The following PRC1 variants were observed in gnomAD, a reference collection of about 807,000 sequenced individuals.
The protein encoded by PRC1 is anaphase spindle elongation 1 homolog.
PRC1 carries 54 observed loss-of-function variants against 91.2 expected under a neutral mutation model. The ratio of observed to expected loss-of-function variants is 0.59; its 90% CI spans 0.48 to 0.74. PRC1 has a LOEUF of 0.74. PRC1 is among the 30% of genes least tolerant of loss of function. The pLI is 0.00. For synonymous variants in PRC1, 275 were observed against 263.6 expected, an observed-to-expected ratio of 1.04 and a Z score of -0.42; for missense variants, 727 against 746.2, an observed-to-expected ratio of 0.97 and a Z score of 0.30.
At position 90,974,412 on chromosome 15, in the gene PRC1, ACAAGCCCCGGTCCCCG is replaced by A; in HGVS notation, c.1350+157_1351-167del. Among the ~76,000 whole-genome samples the A allele has an allele frequency of 6.6e-6, 1 of 151,632 alleles. No homozygotes were observed. The highest frequency in any genetic ancestry group is 1.5e-5 in the Non-Finnish European group (1 of 67,898). On this transcript the variant is annotated intron_variant, in intron 10 of 14. Transcript: ENST00000394249. The surrounding 1 kb of genome is among the most constrained non-coding windows in gnomAD (Gnocchi z 4.6). ...GCCCCGGTCCCCGGCTCCCCGTTCC[ACAAGCCCCGGTCCCCG>A]GCTCCCCGTTCCACAAGCCCCGGTC...
intron 1 of PRC1, among the ~76,000 whole-genome samples, chr15:90,993,300 C>T (rs544078060): frequency 2.7e-4 from 40 of 150,502 alleles, no homozygotes; most frequent in African/African-American, 9.8e-4. Context: ...CCTCTGCCTC[C>T]TAGGCTGAAG....
intron 7 of PRC1, among the ~76,000 whole-genome samples, chr15:90,979,745 G>C (rs2039032274): frequency 6.6e-6 from 1 of 152,106 alleles, no homozygotes; most frequent in Non-Finnish European, 1.5e-5. Flanking sequence ...CGTAGGCTCT[G>C]GCATTTACCA....
At chr15:90,980,510 C>CA in intron 6 of PRC1, 121 bp from the exon 7 acceptor site, 56 of 757,976 alleles carry the variant, frequency 7.4e-5, no homozygotes, top group Non-Finnish European at 1.1e-4. Flanking sequence ...TATAAATCAA[C>CA]ACTTTTTTTT....
chr15:90,974,442 C>G lies in PRC1; in HGVS notation c.1350+143G>C. 7.6e-7 allele frequency: 1 copy of G among 1,315,754 alleles called. No homozygotes were observed. The highest frequency in any genetic ancestry group is 1.0e-6 in the Non-Finnish European group (1 of 959,508). 81.5% of individuals were successfully genotyped at this position (1,315,754 alleles called of 1,614,324 possible). A position where few individuals can be genotyped will look rare whatever the true frequency, so the allele number is the denominator to read the frequency against. On this transcript the variant is annotated intron_variant, in intron 10 of 14. Coordinates refer to ENST00000394249, the MANE Select transcript of PRC1 (RefSeq NM_003981.4). This position sits in a 1 kb window ranked among gnomAD's most constrained non-coding sequence, Gnocchi z 4.6. Reference sequence around the variant, plus strand: ...CCCCGGTCCCCGGCTCCCCGTTCCACAAGCCCCGGTCCCCGGCTTCCCGTT... The same window carrying G: ...CCCCGGTCCCCGGCTCCCCGTTCCAGAAGCCCCGGTCCCCGGCTTCCCGTT...
In PRC1 at chr15:90,974,028, A is replaced by G; in HGVS notation, c.1461+108T>C. 1 of 862,072 alleles carries G rather than the reference A, an allele frequency of 1.2e-6. No individual in the cohort carries two copies. The highest frequency in any genetic ancestry group is 1.7e-5 in the African/African-American group (1 of 59,450). The allele number at this position is 862,072 out of a possible 1,614,324, so 53.4% of individuals were successfully genotyped here. On this transcript the variant is annotated intron_variant, in intron 11 of 14. Coordinates refer to ENST00000394249, the MANE Select transcript of PRC1 (RefSeq NM_003981.4). This position sits in a 1 kb window ranked among gnomAD's most constrained non-coding sequence, Gnocchi z 4.6. ...TTTTCTCTGTCTCTTGTCCCACCTG[A>G]TGAGAAATACCCACAGGTGTGGAGG... is the stretch of plus-strand genomic sequence containing the variant.
rs949276210 is a variant in PRC1 at position 90,987,770 on chromosome 15, T to C, written c.12-2945A>G. 33 of 152,292 alleles carry C rather than the reference T, an allele frequency of 2.2e-4. 1 individual carries two copies. Among genetic ancestry groups the C allele is most frequent in the African/African-American group, 7.0e-4 (29 of 41,558 alleles). 9.4% of individuals were successfully genotyped at this position (152,292 alleles called of 1,614,324 possible). The stretch of plus-strand genomic sequence containing the variant: ...TGTGCCATCCACACCCAACTGCAAC[T>C]AGAGACTTTCATTAGCCCCTTTCTG... On this transcript the variant is annotated intron_variant, in intron 1 of 14. Transcript: ENST00000394249.
At chr15:90,972,226 C>A (rs1293265975) in intron 11 of PRC1, among the ~76,000 whole-genome samples, 59 of 122,582 alleles carry the variant, frequency 4.8e-4, no homozygotes, top group East Asian at 1.3e-3. Context: ...AAAAAAAAAA[C>A]CCCAAAATTA....
chr15:90,986,221 A>G (rs2039564120), intron 1 of PRC1, among the ~76,000 whole-genome samples: 1 of 152,250 alleles, frequency 6.6e-6, no homozygotes, highest in Non-Finnish European at 1.5e-5. Flanking sequence ...CCAAAGACAT[A>G]TATGAGAATG....
At chr15:90,978,394 G>T (rs949170063) in intron 8 of PRC1, among the ~76,000 whole-genome samples, 1 of 151,174 alleles carries the variant, frequency 6.6e-6, no homozygotes, top group African/African-American at 2.5e-5. Context: ...AGAGAGCCGG[G>T]AAGAGCTCTT....
chr15:90,980,511 A>G, intron 6 of PRC1, 122 bp from the exon 7 acceptor site: 2 of 811,436 alleles, frequency 2.5e-6, no homozygotes, highest in Non-Finnish European at 1.7e-6. Context: ...ATAAATCAAC[A>G]CTTTTTTTTT....
At chr15:90,994,302 T>A in intron 1 of PRC1, 105 bp downstream of exon 1, 3 of 1,556,076 alleles carry the variant, frequency 1.9e-6, no homozygotes, top group Non-Finnish European at 2.6e-6. Flanking sequence ...GCCGTGACGA[T>A]CTAGGCCCGG....
intron 3 of PRC1, among the ~76,000 whole-genome samples, chr15:90,982,287 G>T (rs2039259288): frequency 6.6e-6 from 1 of 152,118 alleles, no homozygotes; most frequent in East Asian, 1.9e-4. Context: ...TCATATTGTT[G>T]TGCAATCATA....
At chr15:90,969,242 A>G (rs1221917674) in intron 13 of PRC1, 122 bp from the exon 14 acceptor site, 1 of 1,251,076 alleles carries the variant, frequency 8.0e-7, no homozygotes, top group Non-Finnish European at 1.1e-6. Flanking sequence ...ATCCAGGTTA[A>G]ATGTCTAGTT....
At chr15:90,976,079 TTTTG>T (rs1347741722) in intron 9 of PRC1, among the ~76,000 whole-genome samples, 6 of 151,956 alleles carry the variant, frequency 3.9e-5, no homozygotes, top group Non-Finnish European at 8.8e-5. Flanking sequence ...GTCCGTAGTG[TTTTG>T]TTTTTTTGTT....
chr15:90,981,734 T>C lies in PRC1; in HGVS notation c.501+14A>G, dbSNP rs759777083. 1.6e-5 allele frequency: 25 copies of C among 1,609,000 alleles called. No homozygotes were observed. Among genetic ancestry groups the C allele is most frequent in the Admixed American group, 3.4e-5 (2 of 59,628 alleles). On this transcript the variant is annotated intron_variant, in intron 4 of 14. Transcript: ENST00000394249. ...CAAAGTGACTTTTAGGAAGAACAAA[T>C]GTAGGCAGTGTACCTTTGTTTCCCT...
intron 14 of PRC1, chr15:90,968,741 G>A: frequency 8.7e-7 from 1 of 1,150,122 alleles, no homozygotes; most frequent in Non-Finnish European, 1.1e-6. Context: ...ACACAGCTGG[G>A]GCTCCCTTCC....
chr15:90,970,644 G>T, intron 11 of PRC1, 130 bp from the exon 12 acceptor site: 1 of 659,566 alleles, frequency 1.5e-6, no homozygotes. Context: ...ATGGTGAAGG[G>T]CCTGCTGTGT....
At chr15:90,968,124 T>C (rs2037695443) in intron 14 of PRC1, 2 of 985,316 alleles carry the variant, frequency 2.0e-6, no homozygotes, top group Non-Finnish European at 1.2e-6. Flanking sequence ...CAGACGAACC[T>C]ACCTAGGACT....
At chr15:90,968,945 C>A in intron 14 of PRC1, 134 bp downstream of exon 14, 1 of 1,499,456 alleles carries the variant, frequency 6.7e-7, no homozygotes. Flanking sequence ...TTTTTTGAGT[C>A]CATGATAGGA....
Sources: allele counts gnomAD v4.1 joint callset (sites outside exome capture counted in the v4.1 genomes callset), GRCh38; gene constraint gnomAD v4.1.1; non-coding constraint Gnocchi (gnomAD v3.1); transcripts MANE v1.5; gene names NCBI Gene and HGNC (gene_info 2026-07-23, HGNC 2026-07-21).